The following ANKFN1 variants were observed in gnomAD, a reference collection of about 807,000 sequenced individuals.
The protein encoded by ANKFN1 is ankyrin repeat and fibronectin type III domain containing 1.
A neutral mutation model predicts 108.7 loss-of-function variants in ANKFN1; 74 were observed. The observed-to-expected ratio is 0.68, with a 90% CI of 0.56 to 0.83. The LOEUF is 0.83. Among genes scored for constraint, ANKFN1 ranks in the 40% least tolerant of loss-of-function variants. ANKFN1 has a pLI of 0.00. For synonymous variants in ANKFN1, 547 were observed against 516.2 expected, an observed-to-expected ratio of 1.06 and a Z score of -0.81; for missense variants, 1,505 against 1,382.3, an observed-to-expected ratio of 1.09 and a Z score of -1.41.
chr17:56,397,124 A>G (rs888111101), intron 8 of ANKFN1, among the ~76,000 whole-genome samples: 4 of 152,224 alleles, frequency 2.6e-5, no homozygotes, highest in South Asian at 2.1e-4. Flanking sequence ...ACTCAAAAAC[A>G]TGAGTCAAGT....
At chr17:56,483,172 T>C (rs1410406831) in intron 18 of ANKFN1, among the ~76,000 whole-genome samples, 1 of 152,200 alleles carries the variant, frequency 6.6e-6, no homozygotes, top group Non-Finnish European at 1.5e-5. Context: ...CTTTCAAAAA[T>C]GAATAGCCTG....
intron 6 of ANKFN1, among the ~76,000 whole-genome samples, chr17:56,364,010 T>C (rs1215121337): frequency 6.6e-6 from 1 of 152,186 alleles, no homozygotes; most frequent in Non-Finnish European, 1.5e-5. Flanking sequence ...TTAAATTTAT[T>C]GCACTGTGTC....
intron 1 of ANKFN1, among the ~76,000 whole-genome samples, chr17:56,210,672 T>C (rs533908344): frequency 6.6e-6 from 1 of 152,318 alleles, no homozygotes; most frequent in East Asian, 1.9e-4. Context: ...GATTAGGTAA[T>C]TTATAAAGAA....
At chr17:56,369,514 C>T (rs1044383356) in intron 6 of ANKFN1, among the ~76,000 whole-genome samples, 1 of 152,164 alleles carries the variant, frequency 6.6e-6, no homozygotes, top group Non-Finnish European at 1.5e-5. Context: ...CTAACTATCA[C>T]ACCATTACTC....
At chr17:56,106,022 T>G (rs1425875550) in intron 4 of ANKFN1, among the ~76,000 whole-genome samples, 1 of 152,132 alleles carries the variant, frequency 6.6e-6, no homozygotes, top group African/African-American at 2.4e-5. Context: ...AACCTTGATT[T>G]AGACTTTAAA....
intron 4 of ANKFN1, among the ~76,000 whole-genome samples, chr17:56,131,752 G>T (rs939537435): frequency 1.3e-5 from 2 of 152,310 alleles, no homozygotes; most frequent in African/African-American, 4.8e-5. Context: ...ATGGTCAGGG[G>T]TGGTGGCTCA....
intron 9 of ANKFN1, among the ~76,000 whole-genome samples, chr17:56,442,341 A>G (rs2049133608): frequency 6.6e-6 from 1 of 152,226 alleles, no homozygotes; most frequent in African/African-American, 2.4e-5. Context: ...GCAGACACAA[A>G]AAGAGCAAGG....
intron 4 of ANKFN1, among the ~76,000 whole-genome samples, chr17:56,338,973 A>G (rs1034357136): frequency 6.6e-6 from 1 of 152,118 alleles, no homozygotes. Context: ...TCCAATTTCC[A>G]GCCAGTGCCT....
intron 1 of ANKFN1, among the ~76,000 whole-genome samples, chr17:56,193,423 G>A (rs1370664763): frequency 6.7e-6 from 1 of 150,012 alleles, no homozygotes; most frequent in Admixed American, 6.7e-5. Context: ...AATACAGCTA[G>A]TATAATGTAA....
At chr17:56,370,528 A>G (rs911420291) in intron 6 of ANKFN1, among the ~76,000 whole-genome samples, 5 of 152,238 alleles carry the variant, frequency 3.3e-5, no homozygotes, top group African/African-American at 1.2e-4. Flanking sequence ...CAATTCAAAC[A>G]TCAGGCATAC....
intron 8 of ANKFN1, among the ~76,000 whole-genome samples, chr17:56,401,127 G>A (rs138567568): frequency 6.6e-6 from 1 of 152,098 alleles, no homozygotes; most frequent in African/African-American, 2.4e-5. Context: ...TGTGAAGAAT[G>A]ATGGTGGTAT....
intron 8 of ANKFN1, among the ~76,000 whole-genome samples, chr17:56,401,214 C>T: frequency 6.6e-6 from 1 of 152,134 alleles, no homozygotes; most frequent in East Asian, 1.9e-4. Context: ...TCTACCCATC[C>T]ATGAGCATGG....
At chr17:56,197,823 G>A (rs560556649) in intron 1 of ANKFN1, among the ~76,000 whole-genome samples, 28 of 152,318 alleles carry the variant, frequency 1.8e-4, no homozygotes, top group African/African-American at 5.5e-4. Flanking sequence ...GACCAGTTTC[G>A]TGGAAGACAA....
At chr17:56,175,112 A>G (rs72831974) in intron 1 of ANKFN1, among the ~76,000 whole-genome samples, 1 of 152,320 alleles carries the variant, frequency 6.6e-6, no homozygotes, top group Non-Finnish European at 1.5e-5. Context: ...CCAGACTACC[A>G]TCTACCATTA....
chr17:56,211,896 C>T (rs1392532259), intron 1 of ANKFN1, among the ~76,000 whole-genome samples: 1 of 151,966 alleles, frequency 6.6e-6, no homozygotes, highest in African/African-American at 2.4e-5. Context: ...ATTTGATTCT[C>T]GGCTTGGTCG....
rs1195744421 is a variant in ANKFN1 at position 56,350,753 on chromosome 17, TTCCTC to T, written c.189-11_189-7del. The T allele has an allele frequency of 3.1e-6, 5 of 1,612,138 alleles. No homozygotes were observed. Among genetic ancestry groups the T allele is most frequent in the African/African-American group, 1.3e-5 (1 of 74,958 alleles). On this transcript the variant is annotated splice_region_variant and splice_polypyrimidine_tract_variant and intron_variant, in intron 4 of 20. Transcript: ENST00000682825. ...GGTGTAAAAGATATAACATCGGACT[TTCCTC>T]TTCTTAGGAATTGTCGTGTGAAAAT...
intron 3 of ANKFN1, among the ~76,000 whole-genome samples, chr17:56,293,369 C>T (rs889472594): frequency 6.6e-6 from 1 of 152,130 alleles, no homozygotes; most frequent in African/African-American, 2.4e-5. Flanking sequence ...AGCACAGAAG[C>T]AAAAACAAAC....
intron 3 of ANKFN1, among the ~76,000 whole-genome samples, chr17:56,301,160 C>T (rs2144367908): frequency 6.6e-6 from 1 of 152,300 alleles, no homozygotes; most frequent in South Asian, 2.1e-4. Context: ...ACAGTGCAGG[C>T]AGAAATGTCC....
At chr17:56,383,546 T>G (rs935928348) in intron 8 of ANKFN1, among the ~76,000 whole-genome samples, 30 of 152,058 alleles carry the variant, frequency 2.0e-4, no homozygotes, top group African/African-American at 7.0e-4. Context: ...CAGGAGCTGG[T>G]TTTTTGAAAG....
Sources: gnomAD v4.1 joint callset for allele counts (sites outside exome capture counted in the v4.1 genomes callset) on GRCh38, gnomAD v4.1.1 for gene constraint, MANE v1.5 for transcripts, NCBI Gene and HGNC (gene_info 2026-07-23, HGNC 2026-07-21) for gene names.